The following C5 variants were observed in gnomAD, a reference collection of about 807,000 sequenced individuals.
C5 encodes complement C5, also known as C3 and PZP-like alpha-2-macroglobulin domain-containing protein 4.
Under a neutral mutation model 218.8 loss-of-function variants are expected in C5, and 140 were observed. That is an observed-to-expected ratio of 0.64 (90% CI 0.56 to 0.74). The LOEUF is 0.74. C5 is among the 30% of genes least tolerant of loss of function. The pLI, the probability that C5 is intolerant of heterozygous loss-of-function variation, is 0.00. For missense variants in C5, 1,700 were observed against 1,969.6 expected, an observed-to-expected ratio of 0.86 and a Z score of 2.59; for synonymous variants, 614 against 682.3, an observed-to-expected ratio of 0.90 and a Z score of 1.56.
chr9:121,053,972 G>A (rs2047685757), upstream of C5, among the ~76,000 whole-genome samples: 2 of 152,128 alleles, frequency 1.3e-5, no homozygotes, highest in Non-Finnish European at 2.9e-5. Flanking sequence ...CAGGACACAA[G>A]GACTAAAGTG....
chr9:120,954,101 T>A (rs964765170), intron 39 of C5, among the ~76,000 whole-genome samples: 2 of 152,210 alleles, frequency 1.3e-5, no homozygotes, highest in African/African-American at 2.4e-5. Flanking sequence ...GTTATCTGTA[T>A]AAGGCCTTAG....
rs2047544373 is a variant in C5 at position 121,038,031 on chromosome 9, G to T, written c.422-80C>A. 5 of 669,884 alleles carry T rather than the reference G, an allele frequency of 7.5e-6. No homozygotes were observed. In the East Asian group the frequency reaches 1.1e-4, roughly 15 times the overall value. The allele number at this position is 669,884 out of a possible 1,614,324, so 41.5% of individuals were successfully genotyped here. A position where few individuals can be genotyped will look rare whatever the true frequency, so the allele number is the denominator to read the frequency against. On this transcript the variant is annotated intron_variant, in intron 3 of 40. Transcript: ENST00000223642. ...TTTTTTAAAACAACCATCCTTAAAA[G>T]AGATGAATCTTACTTTAAAAAACTC...
At chr9:120,953,016 C>T (rs545422569) in intron 40 of C5, 148 bp from the exon 41 acceptor site, 110 of 745,788 alleles carry the variant, frequency 1.5e-4, no homozygotes, top group South Asian at 1.2e-3. Flanking sequence ...CTCTGCCTCT[C>T]GGGTTCACGC....
intron 10 of C5, among the ~76,000 whole-genome samples, chr9:121,022,091 C>T (rs1587984734): frequency 6.6e-6 from 1 of 152,140 alleles, no homozygotes; most frequent in East Asian, 1.9e-4. Context: ...ATAAATCAAG[C>T]AAACTCAAAA....
chr9:121,008,073 G>A (rs1302069823), intron 18 of C5, among the ~76,000 whole-genome samples: 1 of 152,024 alleles, frequency 6.6e-6, no homozygotes, highest in African/African-American at 2.4e-5. Context: ...GTTTATTAAT[G>A]TTTGTTTTAT....
chr9:120,956,494 G>A (rs1372323498), intron 39 of C5, among the ~76,000 whole-genome samples: 2 of 152,086 alleles, frequency 1.3e-5, no homozygotes, highest in African/African-American at 2.4e-5. Context: ...TGGCCATACT[G>A]TCCAAAGCAA....
At chr9:121,034,182 A>C (rs2047503069) in intron 5 of C5, among the ~76,000 whole-genome samples, 1 of 152,200 alleles carries the variant, frequency 6.6e-6, no homozygotes, top group Admixed American at 6.5e-5. Flanking sequence ...GGCCTCCCAA[A>C]GCGTTGGGAT....
At position 120,981,308 on chromosome 9, in the gene C5, T is replaced by A. The variant is rs185158525; in HGVS notation, c.3486+536A>T. On this transcript the variant is annotated intron_variant, in intron 27 of 40. Transcript: ENST00000223642. Reference sequence around the variant, plus strand: ...CAGTTTTGCAAATCCACTTGAGATTTTCCATCTCAACCTTGGAAATCTTCT... The same window carrying A: ...CAGTTTTGCAAATCCACTTGAGATTATCCATCTCAACCTTGGAAATCTTCT... Among the ~76,000 whole-genome samples, 25 of 152,374 alleles carry A rather than the reference T, an allele frequency of 1.6e-4. No homozygotes were observed. In the East Asian group the frequency reaches 1.7e-3, roughly 11 times the overall value.
chr9:121,039,926 C>A (rs933569516), intron 3 of C5, among the ~76,000 whole-genome samples: 8 of 152,170 alleles, frequency 5.3e-5, no homozygotes, highest in African/African-American at 1.9e-4. Context: ...CATGAGCCAC[C>A]GCGCCCGGCC....
upstream of C5, among the ~76,000 whole-genome samples, chr9:121,051,458 T>A (rs2047670794): frequency 6.6e-6 from 1 of 152,178 alleles, no homozygotes; most frequent in African/African-American, 2.4e-5. Context: ...TGATGTTTTA[T>A]GTTCATTAGA....
In C5 at chr9:121,017,342, C is replaced by A. The variant is rs200492484; in HGVS notation, c.1866+20G>T. ...GGCCACACTTCATGCAACACTGCAG[C>A]GAGACATGCATTACTTAACTCTTTC... On this transcript the variant is annotated intron_variant, in intron 14 of 40. Coordinates refer to ENST00000223642, the MANE Select transcript of C5 (RefSeq NM_001735.3). 1 of 1,613,004 alleles carries A rather than the reference C, an allele frequency of 6.2e-7. No individual in the cohort carries two copies. The highest frequency in any genetic ancestry group is 1.7e-5 in the Admixed American group (1 of 59,994).
intron 22 of C5, among the ~76,000 whole-genome samples, chr9:120,995,780 A>G (rs761010514): frequency 1.3e-5 from 2 of 151,462 alleles, no homozygotes; most frequent in Non-Finnish European, 2.9e-5. Flanking sequence ...TAGTTGTACT[A>G]TAATGCTATC....
the C5 span, among the ~76,000 whole-genome samples, chr9:121,064,309 G>A: frequency 7.9e-5 from 12 of 152,154 alleles, no homozygotes; most frequent in African/African-American, 2.2e-4. Flanking sequence ...TAACAGGGTC[G>A]TTGTAAGTTT....
intron 38 of C5, 95 bp downstream of exon 38, chr9:120,960,153 A>C: frequency 1.3e-6 from 1 of 794,794 alleles, no homozygotes; most frequent in Non-Finnish European, 2.2e-6. Flanking sequence ...TGTTGTATTC[A>C]TATAATCACT....
intron 31 of C5, among the ~76,000 whole-genome samples, chr9:120,970,658 T>G (rs552940570): frequency 2.0e-5 from 3 of 152,274 alleles, no homozygotes; most frequent in African/African-American, 7.2e-5. Context: ...TAGGTGTGTA[T>G]GAATGGGCAG....
intron 14 of C5, 126 bp from the exon 15 acceptor site, chr9:121,016,509 T>C (rs1290756738): frequency 1.9e-5 from 24 of 1,280,714 alleles, no homozygotes; most frequent in Non-Finnish European, 5.5e-6. Context: ...ATTTTTCAAA[T>C]GATCAAAGAC....
At chr9:121,048,860 CT>C (rs1201564054) in intron 1 of C5, among the ~76,000 whole-genome samples, 3 of 152,172 alleles carry the variant, frequency 2.0e-5, no homozygotes, top group Non-Finnish European at 2.9e-5. Context: ...CCTTCAGGCT[CT>C]GTTTGAGTGC....
At chr9:121,032,500 T>C (rs1173986567) in intron 5 of C5, among the ~76,000 whole-genome samples, 1 of 152,240 alleles carries the variant, frequency 6.6e-6, no homozygotes, top group African/African-American at 2.4e-5. Flanking sequence ...ATTTATTTAA[T>C]CTTGGAGCCT....
chr9:121,033,525 A>AAGC (rs2047496095), intron 5 of C5, among the ~76,000 whole-genome samples: 1 of 152,254 alleles, frequency 6.6e-6, no homozygotes, highest in Non-Finnish European at 1.5e-5. Context: ...GGAGGTAGGA[A>AAGC]AGCACTGGAC....
Sources: allele counts gnomAD v4.1 joint callset (sites outside exome capture counted in the v4.1 genomes callset), GRCh38; gene constraint gnomAD v4.1.1; transcripts MANE v1.5; gene names NCBI Gene and HGNC (gene_info 2026-07-23, HGNC 2026-07-21).